The following MTMR3 variants were observed in gnomAD, a reference collection of about 807,000 sequenced individuals.
MTMR3 encodes the protein myotubularin related protein 3.
Under a neutral mutation model 132.4 loss-of-function variants are expected in MTMR3, and 32 were observed. That is an observed-to-expected ratio of 0.24 (90% CI 0.18 to 0.32). The LOEUF (loss-of-function observed/expected upper bound fraction) is 0.32, where lower values mean the gene tolerates loss of function less well. Ranked by LOEUF, MTMR3 falls within the 10% of genes least tolerant of loss-of-function variation. The pLI, the probability that MTMR3 is intolerant of heterozygous loss-of-function variation, is 1.00. For synonymous variants in MTMR3, 556 were observed against 550.3 expected, an observed-to-expected ratio of 1.01 and a Z score of -0.14; for missense variants, 1,216 against 1,489.6, an observed-to-expected ratio of 0.82 and a Z score of 3.02.
At chr22:30,023,299 C>G (rs2067814679) in intron 19 of MTMR3, 1 of 706,390 alleles carries the variant, frequency 1.4e-6, no homozygotes, top group African/African-American at 1.7e-5. Flanking sequence ...TTATCTGAAT[C>G]ATGCCATAGC....
chr22:29,888,570 C>T (rs1339505923), intron 1 of MTMR3, among the ~76,000 whole-genome samples: 3 of 152,120 alleles, frequency 2.0e-5, no homozygotes, highest in Non-Finnish European at 2.9e-5. Flanking sequence ...ATGAACAAAG[C>T]ACATGAACTT....
chr22:29,969,480 A>G (rs540487196), intron 2 of MTMR3, among the ~76,000 whole-genome samples: 1 of 151,922 alleles, frequency 6.6e-6, no homozygotes, highest in African/African-American at 2.4e-5. Flanking sequence ...CCTTACCCCC[A>G]GTAGCCTTGA....
At chr22:29,988,429 C>G (rs774118557) in intron 5 of MTMR3, 51 bp from the exon 6 acceptor site, 9 of 1,404,000 alleles carry the variant, frequency 6.4e-6, no homozygotes, top group Non-Finnish European at 2.0e-6. Context: ...TGAAGAACTC[C>G]AGGGTCAATG....
chr22:29,914,281 C>A (rs976116777), intron 1 of MTMR3, among the ~76,000 whole-genome samples: 2 of 152,170 alleles, frequency 1.3e-5, no homozygotes, highest in African/African-American at 4.8e-5. Context: ...GTCATTCTTA[C>A]TAACTTAAGT....
At chr22:29,896,642 A>C (rs1399364996) in intron 1 of MTMR3, among the ~76,000 whole-genome samples, 1 of 152,130 alleles carries the variant, frequency 6.6e-6, no homozygotes, top group Non-Finnish European at 1.5e-5. Context: ...CTTTTTGTCT[A>C]ACATAATTTC....
At chr22:29,928,297 T>C (rs1383266037) in intron 1 of MTMR3, among the ~76,000 whole-genome samples, 1 of 150,960 alleles carries the variant, frequency 6.6e-6, no homozygotes, top group Non-Finnish European at 1.5e-5. Flanking sequence ...TCAGCCTCCC[T>C]AGTAGCTGGG....
At chr22:29,895,932 T>G (rs1318790935) in intron 1 of MTMR3, among the ~76,000 whole-genome samples, 1 of 152,190 alleles carries the variant, frequency 6.6e-6, no homozygotes, top group Non-Finnish European at 1.5e-5. Context: ...TCGTCGTCGT[T>G]ACGTAGAATA....
intron 1 of MTMR3, among the ~76,000 whole-genome samples, chr22:29,946,260 C>T (rs1323897774): frequency 6.6e-6 from 1 of 152,006 alleles, no homozygotes; most frequent in Admixed American, 6.5e-5. Flanking sequence ...TATTAAGGAG[C>T]TGTGGTGGGG....
At chr22:29,948,337 T>C (rs1220564306) in intron 1 of MTMR3, among the ~76,000 whole-genome samples, 1 of 152,232 alleles carries the variant, frequency 6.6e-6, no homozygotes, top group Non-Finnish European at 1.5e-5. Flanking sequence ...CGCCAGAACT[T>C]TTAAGAATCT....
chr22:29,947,197 C>T (rs39713), intron 1 of MTMR3, among the ~76,000 whole-genome samples: 11,889 of 152,024 alleles, frequency 0.078, 544 homozygotes, highest in African/African-American at 0.093. Context: ...CTCCTCTTTC[C>T]GACATAGCTC....
At chr22:29,965,943 A>G (rs949737692) in intron 2 of MTMR3, among the ~76,000 whole-genome samples, 3 of 140,968 alleles carry the variant, frequency 2.1e-5, no homozygotes, top group African/African-American at 7.4e-5. Context: ...TTCATGAGAG[A>G]TAAAACTTTG....
At chr22:29,966,359 A>G (rs1254636825) in intron 2 of MTMR3, among the ~76,000 whole-genome samples, 2 of 152,154 alleles carry the variant, frequency 1.3e-5, no homozygotes, top group African/African-American at 4.8e-5. Context: ...TAAGAATCCA[A>G]ATAAGATCTA....
chr22:29,896,211 G>A (rs2064892499), intron 1 of MTMR3, among the ~76,000 whole-genome samples: 1 of 152,186 alleles, frequency 6.6e-6, no homozygotes, highest in South Asian at 2.1e-4. Context: ...TAGGGAGGCT[G>A]AGGCACGAGA....
chr22:29,943,634 G>A (rs1602527909), intron 1 of MTMR3, among the ~76,000 whole-genome samples: 1 of 152,070 alleles, frequency 6.6e-6, no homozygotes, highest in East Asian at 1.9e-4. Flanking sequence ...GGTATGTTAT[G>A]ACTATTCCAG....
chr22:29,916,109 G>A (rs1368747070), intron 1 of MTMR3, among the ~76,000 whole-genome samples: 1 of 151,980 alleles, frequency 6.6e-6, no homozygotes, highest in East Asian at 1.9e-4. Context: ...TCAACGTTAG[G>A]CTTGTTTTTA....
intron 19 of MTMR3, 113 bp downstream of exon 19, chr22:30,022,810 C>CA: frequency 1.1e-6 from 1 of 944,908 alleles, no homozygotes; most frequent in Non-Finnish European, 1.6e-6. Flanking sequence ...TGAGGCAGAG[C>CA]CATGGTCTCA....
intron 1 of MTMR3, among the ~76,000 whole-genome samples, chr22:29,897,087 T>C (rs1475548007): frequency 6.6e-6 from 1 of 151,908 alleles, no homozygotes; most frequent in African/African-American, 2.4e-5. Flanking sequence ...TTCTTTTTTT[T>C]CTTTTTTTTT....
At chr22:29,946,756 T>G (rs925723893) in intron 1 of MTMR3, among the ~76,000 whole-genome samples, 1 of 152,268 alleles carries the variant, frequency 6.6e-6, no homozygotes, top group Non-Finnish European at 1.5e-5. Context: ...AAGTTTTTTT[T>G]TTTTCTAGTG....
intron 1 of MTMR3, among the ~76,000 whole-genome samples, chr22:29,939,718 T>A (rs1569014497): frequency 6.6e-6 from 1 of 152,154 alleles, no homozygotes; most frequent in Non-Finnish European, 1.5e-5. Context: ...TTCAGGGTGG[T>A]ATGGCCGTAG....
Sources: allele counts gnomAD v4.1 joint callset (sites outside exome capture counted in the v4.1 genomes callset), GRCh38; gene constraint gnomAD v4.1.1; transcripts MANE v1.5; gene names NCBI Gene and HGNC (gene_info 2026-07-23, HGNC 2026-07-21).